The following DNM3 variants were observed in gnomAD, a reference collection of about 807,000 sequenced individuals.
DNM3 encodes the protein dynamin 3.
DNM3 carries 47 observed loss-of-function variants against 101.6 expected under a neutral mutation model. That is an observed-to-expected ratio of 0.46 (90% CI 0.37 to 0.59). The LOEUF is 0.59. Among genes scored for constraint, DNM3 ranks in the 20% least tolerant of loss-of-function variants. DNM3 has a pLI of 0.00. For missense variants in DNM3, 849 were observed against 1,085.7 expected, an observed-to-expected ratio of 0.78 and a Z score of 3.06; for synonymous variants, 385 against 387.9, an observed-to-expected ratio of 0.99 and a Z score of 0.09.
At chr1:172,330,328 T>G (rs72723204) in intron 17 of DNM3, among the ~76,000 whole-genome samples, 6 of 152,052 alleles carry the variant, frequency 3.9e-5, no homozygotes, top group African/African-American at 1.2e-4. Flanking sequence ...AATATAAAGA[T>G]ATATATATAG....
chr1:172,141,532 T>A (rs752432169), intron 14 of DNM3, among the ~76,000 whole-genome samples: 8 of 152,108 alleles, frequency 5.3e-5, no homozygotes, highest in Non-Finnish European at 5.9e-5. Context: ...TGGATGCTTG[T>A]GGATGAGTGA....
intron 4 of DNM3, among the ~76,000 whole-genome samples, chr1:172,000,895 A>G (rs1401060116): frequency 1.3e-5 from 2 of 152,058 alleles, no homozygotes; most frequent in Admixed American, 6.6e-5. Flanking sequence ...AGATGAAAAG[A>G]ATGTTTCTGA....
At chr1:172,363,771 A>C (rs1273724543) in intron 17 of DNM3, among the ~76,000 whole-genome samples, 1 of 151,760 alleles carries the variant, frequency 6.6e-6, no homozygotes, top group African/African-American at 2.4e-5. Flanking sequence ...CTCATTTTGC[A>C]ATTCAGCCAT....
At chr1:171,876,186 G>A (rs1339306982) in intron 1 of DNM3, among the ~76,000 whole-genome samples, 2 of 152,162 alleles carry the variant, frequency 1.3e-5, no homozygotes, top group Non-Finnish European at 2.9e-5. Context: ...TTGTTTGAAA[G>A]TAATCTGGTC....
intron 16 of DNM3, among the ~76,000 whole-genome samples, chr1:172,315,871 TC>T (rs1484609296): frequency 6.6e-6 from 1 of 151,754 alleles, no homozygotes; most frequent in Non-Finnish European, 1.5e-5. Flanking sequence ...ACGTTCAGAT[TC>T]AGGAAATACA....
rs2819532 is a variant in DNM3 at position 172,131,447 on chromosome 1, G to C, written c.1659+159G>C. 1.4e-3 allele frequency among the ~76,000 whole-genome samples: 213 copies of C among 152,230 alleles called. 1 individual carries two copies. The highest frequency in any genetic ancestry group is 4.9e-3 in the African/African-American group (205 of 41,546). On this transcript the variant is annotated intron_variant, in intron 14 of 20. Transcript: ENST00000627582. ...AAAAAGGCACTATTATTTTCTTATA[G>C]ATTTTAAAGTTTACAATATTCGCCC...
intron 13 of DNM3, among the ~76,000 whole-genome samples, chr1:172,108,892 G>A (rs762549152): frequency 3.3e-5 from 5 of 152,192 alleles, no homozygotes; most frequent in Admixed American, 2.0e-4. Flanking sequence ...ACTACCATTT[G>A]TATTGCCTGG....
intron 14 of DNM3, among the ~76,000 whole-genome samples, chr1:172,209,350 T>A (rs1210684456): frequency 6.6e-6 from 1 of 151,952 alleles, no homozygotes; most frequent in East Asian, 1.9e-4. Context: ...CATTTTACAT[T>A]GTTTAATCCA....
chr1:172,148,210 C>T (rs10911110), intron 14 of DNM3, among the ~76,000 whole-genome samples: 35,831 of 151,784 alleles, frequency 0.24, 4,748 homozygotes, highest in East Asian at 0.45. Flanking sequence ...TGTACTAAGA[C>T]GTTACCTGTA....
At chr1:172,193,645 C>G (rs1029266395) in intron 14 of DNM3, among the ~76,000 whole-genome samples, 8 of 152,032 alleles carry the variant, frequency 5.3e-5, no homozygotes, top group Non-Finnish European at 1.2e-4. Flanking sequence ...AGTTTATTTG[C>G]GTAGAGGTGT....
intron 9 of DNM3, among the ~76,000 whole-genome samples, chr1:172,047,345 GA>G (rs1301498559): frequency 1.3e-5 from 2 of 149,978 alleles, no homozygotes. Flanking sequence ...GGGCTTCCAA[GA>G]AGGAAGGTCT....
intron 14 of DNM3, among the ~76,000 whole-genome samples, chr1:172,232,283 G>A (rs2061367890): frequency 6.6e-6 from 1 of 152,106 alleles, no homozygotes; most frequent in Non-Finnish European, 1.5e-5. Flanking sequence ...AGATCAAAGA[G>A]ACAAAGAAGG....
intron 13 of DNM3, among the ~76,000 whole-genome samples, chr1:172,111,419 C>T (rs1183665005): frequency 1.3e-5 from 2 of 152,214 alleles, no homozygotes; most frequent in African/African-American, 4.8e-5. Flanking sequence ...ATAATAATAT[C>T]AGCCCTTCAC....
intron 12 of DNM3, 84 bp from the exon 13 acceptor site, chr1:172,092,735 TAAAGC>T: frequency 7.4e-7 from 1 of 1,342,758 alleles, no homozygotes; most frequent in Admixed American, 2.7e-5. Context: ...ATTTTTTTTT[TAAAGC>T]CTGTATAAAT....
At chr1:172,266,789 T>G (rs1455560566) in intron 15 of DNM3, among the ~76,000 whole-genome samples, 2 of 152,150 alleles carry the variant, frequency 1.3e-5, no homozygotes, top group African/African-American at 4.8e-5. Flanking sequence ...TCTATGAGTA[T>G]CTGGTGGAGG....
intron 15 of DNM3, among the ~76,000 whole-genome samples, chr1:172,271,981 C>G (rs1460266659): frequency 6.6e-6 from 1 of 152,092 alleles, no homozygotes; most frequent in Admixed American, 6.6e-5. Context: ...AAAAATTTAT[C>G]ATTGGCCACA....
chr1:171,965,562 A>G (rs1244816693), intron 2 of DNM3, among the ~76,000 whole-genome samples: 1 of 151,942 alleles, frequency 6.6e-6, no homozygotes, highest in Non-Finnish European at 1.5e-5. Flanking sequence ...AAAAAAAAAA[A>G]AAGGGTTGTT....
chr1:172,018,173 G>T (rs868269711), intron 4 of DNM3, among the ~76,000 whole-genome samples: 3 of 151,712 alleles, frequency 2.0e-5, no homozygotes, highest in Non-Finnish European at 4.4e-5. Flanking sequence ...CTTTTAATTG[G>T]TGCATTTAGA....
intron 7 of DNM3, among the ~76,000 whole-genome samples, chr1:172,041,017 G>T (rs568362181): frequency 6.6e-6 from 1 of 152,034 alleles, no homozygotes; most frequent in Non-Finnish European, 1.5e-5. Flanking sequence ...TTGTATTATC[G>T]AATTGTGGGG....
Sources: allele counts gnomAD v4.1 joint callset (sites outside exome capture counted in the v4.1 genomes callset), GRCh38; gene constraint gnomAD v4.1.1; transcripts MANE v1.5; gene names NCBI Gene and HGNC (gene_info 2026-07-23, HGNC 2026-07-21).